Variants in PIK3C2G observed in about 807,000 individuals in gnomAD.
PIK3C2G encodes phosphatidylinositol-4-phosphate 3-kinase catalytic subunit type 2 gamma, also known as phosphatidylinositol 3-kinase C2 domain-containing subunit gamma.
PIK3C2G carries 168 observed loss-of-function variants against 181.1 expected under a neutral mutation model. That is an observed-to-expected ratio of 0.93 (90% CI 0.82 to 1.05). The LOEUF (loss-of-function observed/expected upper bound fraction) is 1.05, where lower values mean the gene tolerates loss of function less well. Among genes scored for constraint, PIK3C2G ranks in the 50% least tolerant of loss-of-function variants. The pLI is 0.00. For synonymous variants in PIK3C2G, 573 were observed against 592.2 expected (o/e 0.97, Z 0.47); for missense variants, 1,869 against 1,732.8 (o/e 1.08, Z -1.40).
chr12:18,261,682 A>T (rs1461833979), intron 1 of PIK3C2G, 105 bp downstream of exon 1: 1 of 152,198 alleles, frequency 6.6e-6, no homozygotes, highest in African/African-American at 2.4e-5. Flanking sequence ...ATACTGTGAT[A>T]CAAAAATGGT....
intron 31 of PIK3C2G, among the ~76,000 whole-genome samples, chr12:18,615,231 T>C (rs1479616788): frequency 6.6e-6 from 1 of 151,926 alleles, no homozygotes; most frequent in African/African-American, 2.4e-5. Flanking sequence ...TAGTTTCCCA[T>C]TCCTGAGTTG....
chr12:18,288,089 G>A (rs925007326), intron 3 of PIK3C2G, among the ~76,000 whole-genome samples: 18 of 152,114 alleles, frequency 1.2e-4, no homozygotes, highest in African/African-American at 3.9e-4. Context: ...TTGGACCTGG[G>A]AGGTGGAGAT....
intron 5 of PIK3C2G, among the ~76,000 whole-genome samples, chr12:18,309,674 A>T (rs1219851651): frequency 6.6e-6 from 1 of 151,816 alleles, no homozygotes; most frequent in Admixed American, 6.6e-5. Flanking sequence ...TTAAAGACAC[A>T]TGTATTTAAG....
chr12:18,680,654 G>C, the PIK3C2G span, among the ~76,000 whole-genome samples: 60 of 152,034 alleles, frequency 3.9e-4, no homozygotes, highest in African/African-American at 1.4e-3. Context: ...CAAGATAATG[G>C]AAGAAGTCAG....
chr12:18,383,483 G>A (rs1322717556), intron 14 of PIK3C2G, among the ~76,000 whole-genome samples: 1 of 152,214 alleles, frequency 6.6e-6, no homozygotes, highest in Non-Finnish European at 1.5e-5. Flanking sequence ...ACATTTGAAT[G>A]CCCTTTCTAG....
chr12:18,313,305 G>T (rs1415821360), intron 5 of PIK3C2G, among the ~76,000 whole-genome samples: 1 of 152,164 alleles, frequency 6.6e-6, no homozygotes, highest in African/African-American at 2.4e-5. Flanking sequence ...GGAAGACAAA[G>T]AAATATAACA....
At chr12:18,610,424 A>G (rs1948274502) in intron 31 of PIK3C2G, among the ~76,000 whole-genome samples, 1 of 152,122 alleles carries the variant, frequency 6.6e-6, no homozygotes. Context: ...TATGACACAC[A>G]TCCATAACAT....
chr12:18,362,906 T>C lies in PIK3C2G; in HGVS notation c.1748+20T>C, dbSNP rs1472951961. ...TGAAACGTAAGTTTAATCTTTACTG[T>C]ATCTGGATCATTTATGTAATAAATG... On this transcript the variant is annotated intron_variant, in intron 12 of 32. Transcript: ENST00000538779. 6 of 1,455,094 alleles carry C rather than the reference T, an allele frequency of 4.1e-6. No homozygotes were observed. In the African/African-American group the frequency reaches 5.7e-5, roughly 14 times the overall value. 90.1% of individuals were successfully genotyped at this position (1,455,094 alleles called of 1,614,324 possible). A position where few individuals can be genotyped will look rare whatever the true frequency, so the allele number is the denominator to read the frequency against.
chr12:18,460,356 G>A (rs1397719257), intron 18 of PIK3C2G, among the ~76,000 whole-genome samples: 1 of 151,888 alleles, frequency 6.6e-6, no homozygotes, highest in African/African-American at 2.4e-5. Context: ...GACGGATCAC[G>A]AGGTCAGGAG....
intron 15 of PIK3C2G, among the ~76,000 whole-genome samples, chr12:18,396,695 T>C (rs1306792724): frequency 6.6e-6 from 1 of 151,650 alleles, no homozygotes. Context: ...GTAACAAAAT[T>C]TTATTTACTA....
At chr12:18,670,579 C>A in the PIK3C2G span, among the ~76,000 whole-genome samples, 11 of 152,190 alleles carry the variant, frequency 7.2e-5, no homozygotes, top group Non-Finnish European at 1.6e-4. Context: ...AACTTCCTTT[C>A]TGCAGGGTTA....
chr12:18,569,447 C>T (rs1945813203), intron 29 of PIK3C2G, among the ~76,000 whole-genome samples: 1 of 152,032 alleles, frequency 6.6e-6, no homozygotes, highest in African/African-American at 2.4e-5. Flanking sequence ...GCAGTGATAG[C>T]CCATTTCCAA....
At chr12:18,571,604 T>C (rs918399112) in intron 29 of PIK3C2G, among the ~76,000 whole-genome samples, 29 of 151,034 alleles carry the variant, frequency 1.9e-4, no homozygotes, top group Middle Eastern at 3.4e-3. Flanking sequence ...CACGTGTCTC[T>C]CCTATCTCTA....
At chr12:18,656,926 T>G in the PIK3C2G span, among the ~76,000 whole-genome samples, 1 of 152,188 alleles carries the variant, frequency 6.6e-6, no homozygotes, top group African/African-American at 2.4e-5. Flanking sequence ...CCCCATCTCC[T>G]GCTCCCAGCT....
At chr12:18,341,635 C>A (rs560938339) in intron 9 of PIK3C2G, among the ~76,000 whole-genome samples, 11 of 152,078 alleles carry the variant, frequency 7.2e-5, no homozygotes, top group African/African-American at 2.7e-4. Flanking sequence ...TCTCTTTTTC[C>A]ATCCCATTTT....
rs1565551817 is a variant in PIK3C2G, at chr12:18,282,645, G to GA, written c.567dup (p.Glu190ArgfsTer4). The GA allele has an allele frequency of 2.5e-6, 4 of 1,613,094 alleles. No homozygotes were observed. The highest frequency in any genetic ancestry group is 4.5e-5 in the East Asian group (2 of 44,862). On this transcript the variant is annotated frameshift_variant, in exon 2 of 33. Coordinates refer to ENST00000538779, the MANE Select transcript of PIK3C2G (RefSeq NM_001288772.2). LOFTEE classifies it high-confidence loss of function. ...CATCCTTCTCAAGTGACTTCATGCC[G>GA]AAAGAAGAGAATAAAAGGAGTGGAC...
At position 18,500,614 on chromosome 12, in the gene PIK3C2G, T is replaced by C. The variant is rs977415730; in HGVS notation, c.3017-2667T>C. Among the ~76,000 whole-genome samples the C allele has an allele frequency of 1.2e-4, 19 of 152,296 alleles. No homozygotes were observed. The East Asian group carries it at 3.5e-3, about 28-fold the overall frequency. On this transcript the variant is annotated intron_variant, in intron 22 of 32. Coordinates refer to ENST00000538779, the MANE Select transcript of PIK3C2G (RefSeq NM_001288772.2). ...GTGACGCCAGCTGGGCTCCTGAGTC[T>C]GGTAGGGACGTGAACCTTTACCTCT...
chr12:18,684,169 G>T, the PIK3C2G span: 2 of 1,612,038 alleles, frequency 1.2e-6, no homozygotes, highest in Non-Finnish European at 1.7e-6. Context: ...TATTGCCCAA[G>T]AAATTCATTT....
rs367578928 is a variant in PIK3C2G at position 18,399,771 on chromosome 12, G to A, written c.2239G>A (p.Val747Ile). 1.6e-5 allele frequency: 25 copies of A among 1,607,826 alleles called. No homozygotes were observed. The highest frequency in any genetic ancestry group is 8.8e-5 in the South Asian group (8 of 90,440). ...TGCCCCTGGATGGGATGAAAGGACT[G>A]TTTCAGAAATGCATACCATTTTGAG... ...GSAPGWDERT[V>I]SEMHTILRRW... The change falls in exon 16 of 33, where the codon GTT becomes ATT. Residue 747 changes from valine (V) to isoleucine (I), a missense_variant. By Grantham distance (29) the Val-to-Ile change is conservative. Transcript: ENST00000538779.
Sources: gnomAD v4.1 joint callset for allele counts (sites outside exome capture counted in the v4.1 genomes callset) on GRCh38, gnomAD v4.1.1 for gene constraint, MANE v1.5 for transcripts, NCBI Gene and HGNC (gene_info 2026-07-23, HGNC 2026-07-21) for gene names.